Variants in NRG3 observed in about 807,000 individuals in gnomAD.
The protein encoded by NRG3 is neuregulin 3.
NRG3 carries 31 observed loss-of-function variants against 66.9 expected under a neutral mutation model. The ratio of observed to expected loss-of-function variants is 0.46; its 90% confidence interval spans 0.35 to 0.63. The LOEUF (loss-of-function observed/expected upper bound fraction) is 0.63, where lower values mean the gene tolerates loss of function less well. Among genes scored for constraint, NRG3 ranks in the 20% least tolerant of loss-of-function variants. The pLI is 0.00. For missense variants in NRG3, 910 were observed against 878.9 expected (o/e 1.04, Z -0.45); for synonymous variants, 393 against 359.4 (o/e 1.09, Z -1.06).
chr10:81,992,609 T>C (rs146424071), intron 1 of NRG3, among the ~76,000 whole-genome samples: 1 of 152,318 alleles, frequency 6.6e-6, no homozygotes, highest in Admixed American at 6.5e-5. Flanking sequence ...CAGCAATAAC[T>C]GTTTTAGGTT....
intron 3 of NRG3, among the ~76,000 whole-genome samples, chr10:82,840,127 T>C (rs1483306916): frequency 2.0e-5 from 3 of 152,194 alleles, no homozygotes; most frequent in Non-Finnish European, 1.5e-5. Flanking sequence ...AAGTGTAGCA[T>C]TTGTGCACAA....
At chr10:82,907,096 G>A (rs1393094589) in intron 4 of NRG3, among the ~76,000 whole-genome samples, 1 of 152,128 alleles carries the variant, frequency 6.6e-6, no homozygotes, top group Admixed American at 6.5e-5. Context: ...TGAAGAAAAT[G>A]TTCTTTATCC....
chr10:82,898,877 A>T (rs941663559), intron 4 of NRG3, among the ~76,000 whole-genome samples: 1 of 151,300 alleles, frequency 6.6e-6, no homozygotes, highest in Non-Finnish European at 1.5e-5. Flanking sequence ...ACCCCGGCTA[A>T]TTTTTTTGTA....
chr10:82,591,262 C>G (rs527706514), intron 2 of NRG3, among the ~76,000 whole-genome samples: 1 of 152,120 alleles, frequency 6.6e-6, no homozygotes, highest in Non-Finnish European at 1.5e-5. Context: ...AATAATATCC[C>G]TAAGAAACAG....
intron 1 of NRG3, among the ~76,000 whole-genome samples, chr10:82,188,933 A>G (rs1323810114): frequency 2.6e-5 from 4 of 152,160 alleles, no homozygotes; most frequent in African/African-American, 9.6e-5. Context: ...GAAAAATGCA[A>G]TTGGATTTTT....
intron 4 of NRG3, among the ~76,000 whole-genome samples, chr10:82,945,604 C>A (rs1166977929): frequency 6.6e-6 from 1 of 152,130 alleles, no homozygotes; most frequent in African/African-American, 2.4e-5. Flanking sequence ...GAGCTGAATT[C>A]ATCCTCTTAT....
rs114375980 is a variant in NRG3, at chr10:81,881,029, T to C, written c.823+4866T>C. Among the ~76,000 whole-genome samples, 730 of 152,316 alleles carry C rather than the reference T, an allele frequency of 4.8e-3. 9 individuals carry two copies. Among genetic ancestry groups the C allele is most frequent in the African/African-American group, 0.017 (697 of 41,578 alleles). ...AACTTACCTACATAAATGTTTCCTC[T>C]TCATGCAATTATAAATAAAATCATT... On this transcript the variant is annotated intron_variant, in intron 1 of 8. Coordinates refer to ENST00000372141, the MANE Select transcript of NRG3 (RefSeq NM_001010848.4).
Position 82,774,814 on chromosome 10 carries a change from C to CT in NRG3, c.1027+36170dup, listed in dbSNP as rs752687809. On this transcript the variant is annotated intron_variant, in intron 3 of 8. Coordinates refer to ENST00000372141, the MANE Select transcript of NRG3 (RefSeq NM_001010848.4). ...ATTCCCCAGTTTTATTTTCCTTTTT[C>CT]TTTTTTCTTTTTTTTTTTTTTTTTT... Among the ~76,000 whole-genome samples the CT allele has an allele frequency of 6.0e-3, 667 of 111,782 alleles. 57 individuals carry two copies. The highest frequency in any genetic ancestry group is 0.025 in the African/African-American group (615 of 24,820). The allele number at this position is 111,782 out of a possible 152,430, so 73.3% of individuals were successfully genotyped here. A position where few individuals can be genotyped will look rare whatever the true frequency, so the allele number is the denominator to read the frequency against.
intron 2 of NRG3, among the ~76,000 whole-genome samples, chr10:82,722,795 TCTGTCTC>T (rs557143835): frequency 2.4e-4 from 36 of 152,308 alleles, no homozygotes; most frequent in South Asian, 4.1e-4. Context: ...CCCCACTTCT[TCTGTCTC>T]CTCCCTGACT....
intron 1 of NRG3, among the ~76,000 whole-genome samples, chr10:82,146,082 C>T (rs1012470009): frequency 1.3e-5 from 2 of 152,138 alleles, no homozygotes; most frequent in African/African-American, 4.8e-5. Context: ...AGGCATGTAT[C>T]AAGCTGTTTA....
At chr10:82,283,819 G>C (rs1201809238) in intron 1 of NRG3, among the ~76,000 whole-genome samples, 1 of 152,096 alleles carries the variant, frequency 6.6e-6, no homozygotes, top group Non-Finnish European at 1.5e-5. Context: ...AGATCTCTCA[G>C]GCCTGAGCCT....
At chr10:82,507,395 A>G (rs1166590351) in intron 2 of NRG3, among the ~76,000 whole-genome samples, 7 of 152,204 alleles carry the variant, frequency 4.6e-5, no homozygotes, top group Admixed American at 1.3e-4. Context: ...GGTTTTGGAA[A>G]TAAAAAAATA....
At position 82,290,879 on chromosome 10, in the gene NRG3, G is replaced by A. The variant is rs191832306; in HGVS notation, c.824-67860G>A. Among the ~76,000 whole-genome samples the A allele has an allele frequency of 8.4e-3, 1,264 of 151,010 alleles. 13 individuals are homozygous for A. The highest frequency in any genetic ancestry group is 0.029 in the African/African-American group (1,204 of 40,994). ...AGGATGGTCTCGATCTCCTGACATC[G>A]TGATCTGCCCGCCTCGGCCTACCAA... On this transcript the variant is annotated intron_variant, in intron 1 of 8. Transcript: ENST00000372141.
intron 1 of NRG3, among the ~76,000 whole-genome samples, chr10:82,199,422 AG>A (rs1359169026): frequency 1.3e-5 from 2 of 152,124 alleles, no homozygotes; most frequent in East Asian, 3.9e-4. Context: ...CTGGGAGCTG[AG>A]GTATTTAATA....
intron 2 of NRG3, among the ~76,000 whole-genome samples, chr10:82,622,990 A>T (rs1173159632): frequency 1.3e-5 from 2 of 151,752 alleles, no homozygotes; most frequent in Non-Finnish European, 2.9e-5. Context: ...TTTTCAGGAC[A>T]TAACCCCATT....
intron 4 of NRG3, among the ~76,000 whole-genome samples, chr10:82,938,327 G>A (rs1389545232): frequency 6.6e-6 from 1 of 152,180 alleles, no homozygotes; most frequent in Non-Finnish European, 1.5e-5. Context: ...CTGGGCTGGG[G>A]TTCAGTTGTT....
intron 2 of NRG3, among the ~76,000 whole-genome samples, chr10:82,402,543 T>G (rs192843351): frequency 2.0e-4 from 31 of 152,288 alleles, no homozygotes; most frequent in Admixed American, 1.3e-3. Flanking sequence ...CTTTAGAACT[T>G]TAAGTCATAT....
intron 1 of NRG3, among the ~76,000 whole-genome samples, chr10:82,199,992 C>T (rs2074702627): frequency 6.6e-6 from 1 of 151,588 alleles, no homozygotes; most frequent in Non-Finnish European, 1.5e-5. Flanking sequence ...TTGGTTTATT[C>T]CTTCAGCCTC....
chr10:82,455,639 G>A (rs2091233102), intron 2 of NRG3, among the ~76,000 whole-genome samples: 1 of 150,332 alleles, frequency 6.7e-6, no homozygotes, highest in Non-Finnish European at 1.5e-5. Context: ...TTTTGAGACG[G>A]AGTCTCACTC....
Sources: gnomAD v4.1 joint callset for allele counts (sites outside exome capture counted in the v4.1 genomes callset) on GRCh38, gnomAD v4.1.1 for gene constraint, MANE v1.5 for transcripts, NCBI Gene and HGNC (gene_info 2026-07-23, HGNC 2026-07-21) for gene names.